ZNF81: variants seen among roughly 807,000 people sequenced by gnomAD.
ZNF81 encodes zinc finger protein 81 (HFZ20).
ZNF81 carries 5 observed loss-of-function variants against 32.3 expected under a neutral mutation model. The ratio of observed to expected loss-of-function variants is 0.15; its 90% CI spans 0.08 to 0.33. ZNF81 has a LOEUF of 0.33. ZNF81 is among the 10% of genes least tolerant of loss of function. The pLI, the probability that ZNF81 is intolerant of heterozygous loss-of-function variation, is 1.00. For synonymous variants in ZNF81, 163 were observed against 166.8 expected, an observed-to-expected ratio of 0.98 and a Z score of 0.17; for missense variants, 379 against 479.8, an observed-to-expected ratio of 0.79 and a Z score of 1.96.
chrX:47,891,245 T>C (rs1267292730), intron 3 of ZNF81, among the ~76,000 whole-genome samples: 1 of 112,962 alleles, frequency 8.9e-6, no homozygotes, highest in Non-Finnish European at 1.9e-5. Context: ...CCAGGGAATG[T>C]GTTAATTTGC....
chrX:47,853,208 C>T (rs782203410), intron 2 of ZNF81, among the ~76,000 whole-genome samples: 109 of 106,438 alleles, frequency 1.0e-3, no homozygotes, highest in African/African-American at 3.6e-3. Flanking sequence ...GATGGAGTCT[C>T]GCTCTGTTAC....
At chrX:47,839,453 A>G (rs2058437984) in intron 1 of ZNF81, among the ~76,000 whole-genome samples, 1 of 111,996 alleles carries the variant, frequency 8.9e-6, no homozygotes, top group South Asian at 3.7e-4. Flanking sequence ...ATTTTGTGAC[A>G]GGTCACAGTC....
At chrX:47,843,698 A>C (rs934968705) in intron 1 of ZNF81, among the ~76,000 whole-genome samples, 1 of 110,593 alleles carries the variant, frequency 9.0e-6, no homozygotes, top group African/African-American at 3.3e-5. Context: ...TAATTTTTCT[A>C]TTTTTTTGTA....
At chrX:47,880,006 T>C (rs903456763) in intron 2 of ZNF81, among the ~76,000 whole-genome samples, 1 of 112,541 alleles carries the variant, frequency 8.9e-6, no homozygotes, top group Non-Finnish European at 1.9e-5. Flanking sequence ...TATATTAATA[T>C]GAACTGATGA....
chrX:47,894,163 G>A (rs2058672030), intron 3 of ZNF81, among the ~76,000 whole-genome samples: 1 of 111,721 alleles, frequency 9.0e-6, no homozygotes, highest in Non-Finnish European at 1.9e-5. Context: ...AGCAGAGTGG[G>A]GCCAGTCGAT....
intron 2 of ZNF81, among the ~76,000 whole-genome samples, chrX:47,875,323 C>T (rs782406847): frequency 2.1e-4 from 24 of 112,294 alleles, no homozygotes; most frequent in Non-Finnish European, 3.8e-4. Flanking sequence ...TAAGAATCAC[C>T]ACAAATAAGT....
rs1399101115 is a variant in ZNF81, at chrX:47,917,329, G to A, written c.*697G>A. On this transcript the variant is annotated 3_prime_UTR_variant, in exon 5 of 5. Transcript: ENST00000338637. ...TCCTGTCATTCGTACTGGTTTCCAT[G>A]ACATAGTATCTTGTTTTCTTTCATT... 2 of 296,900 alleles carry A rather than the reference G, an allele frequency of 6.7e-6. No homozygotes were observed. The highest frequency in any genetic ancestry group is 2.7e-5 in the African/African-American group (1 of 36,973). 24.5% of individuals were successfully genotyped at this position (296,900 alleles called of 1,213,427 possible). A position where few individuals can be genotyped will look rare whatever the true frequency, so the allele number is the denominator to read the frequency against.
intron 2 of ZNF81, among the ~76,000 whole-genome samples, chrX:47,862,343 A>AC (rs1556882664): frequency 9.2e-6 from 1 of 109,277 alleles, no homozygotes; most frequent in African/African-American, 3.3e-5. Context: ...ACATAGTGAA[A>AC]CCCCGTCTCT....
intron 1 of ZNF81, among the ~76,000 whole-genome samples, chrX:47,845,337 T>C (rs1158148048): frequency 9.0e-6 from 1 of 111,482 alleles, no homozygotes; most frequent in Non-Finnish European, 1.9e-5. Context: ...AGAGACACCC[T>C]CTCCTCCCTA....
chrX:47,922,853 C>T lies in ZNF81; in HGVS notation c.*6221C>T, dbSNP rs2058781356. On this transcript the variant is annotated 3_prime_UTR_variant, in exon 5 of 5. Transcript: ENST00000338637. ...TGCTAGGGAAGGAACGGTTCCATGC[C>T]TCTCTCCTAGCTTTTGAGAGCTTCA... Among the ~76,000 whole-genome samples the T allele has an allele frequency of 9.0e-6, 1 of 111,434 alleles. No individual in the cohort carries two copies. Among genetic ancestry groups the T allele is most frequent in the Admixed American group, 9.5e-5 (1 of 10,480 alleles).
At chrX:47,857,638 C>G (rs1556882052) in intron 2 of ZNF81, among the ~76,000 whole-genome samples, 1 of 111,175 alleles carries the variant, frequency 9.0e-6, no homozygotes, top group Admixed American at 9.6e-5. Flanking sequence ...TATCACATCA[C>G]TTTTCCCCTT....
intron 2 of ZNF81, among the ~76,000 whole-genome samples, chrX:47,879,772 G>A (rs1556884932): frequency 8.9e-6 from 1 of 112,038 alleles, no homozygotes; most frequent in African/African-American, 3.2e-5. Flanking sequence ...GGCAGTCAGT[G>A]AGTCTGCTTT....
chrX:47,899,787 T>C (rs1556887688), intron 4 of ZNF81, among the ~76,000 whole-genome samples: 2 of 112,135 alleles, frequency 1.8e-5, no homozygotes, highest in Non-Finnish European at 3.8e-5. Context: ...ATTCAGATTT[T>C]TTGTTTCATC....
intron 1 of ZNF81, chrX:47,841,063 GC>G: frequency 1.2e-6 from 1 of 858,712 alleles, no homozygotes; most frequent in Non-Finnish European, 1.7e-6. Flanking sequence ...AGCATGACGG[GC>G]CACTGACAGG....
intron 4 of ZNF81, among the ~76,000 whole-genome samples, chrX:47,896,942 T>C (rs1556887312): frequency 8.9e-6 from 1 of 112,654 alleles, no homozygotes; most frequent in Non-Finnish European, 1.9e-5. Context: ...AAATAGTATT[T>C]CATGGAATGA....
At chrX:47,901,904 G>C (rs1044532647) in intron 4 of ZNF81, among the ~76,000 whole-genome samples, 8 of 111,313 alleles carry the variant, frequency 7.2e-5, no homozygotes, top group Non-Finnish European at 1.3e-4. Flanking sequence ...GAATTTTTCA[G>C]TGTTCACGTC....
intron 3 of ZNF81, among the ~76,000 whole-genome samples, chrX:47,892,739 G>C (rs2058666871): frequency 8.9e-6 from 1 of 112,933 alleles, no homozygotes; most frequent in Admixed American, 9.3e-5. Context: ...TCAATGTATA[G>C]TCTTTAGATT....
intron 2 of ZNF81, among the ~76,000 whole-genome samples, chrX:47,863,385 T>C (rs921263323): frequency 8.9e-6 from 1 of 112,199 alleles, no homozygotes; most frequent in Non-Finnish European, 1.9e-5. Flanking sequence ...AATGCATTTG[T>C]TGTCAGGTCT....
At chrX:47,914,102 A>G (rs1556890245) in intron 4 of ZNF81, among the ~76,000 whole-genome samples, 1 of 111,579 alleles carries the variant, frequency 9.0e-6, no homozygotes, top group Non-Finnish European at 1.9e-5. Context: ...AGGCCCTCCT[A>G]GATCTTTCCC....
Sources: allele counts gnomAD v4.1 joint callset (sites outside exome capture counted in the v4.1 genomes callset), GRCh38; gene constraint gnomAD v4.1.1; transcripts MANE v1.5; gene names NCBI Gene and HGNC (gene_info 2026-07-23, HGNC 2026-07-21).